The following AFF2 variants were observed in gnomAD, a reference collection of about 807,000 sequenced individuals.
AFF2 encodes the protein AF4/FMR2 family member 2.
Under a neutral mutation model 76.9 loss-of-function variants are expected in AFF2, and 14 were observed. The ratio of observed to expected loss-of-function variants is 0.18; its 90% CI spans 0.12 to 0.28. AFF2 has a LOEUF of 0.28. Ranked by LOEUF, AFF2 falls within the 10% of genes least tolerant of loss-of-function variation. The pLI is 1.00. For missense variants in AFF2, 868 were observed against 1,001.1 expected (o/e 0.87, Z 1.79); for synonymous variants, 398 against 366.7 (o/e 1.09, Z -0.98).
In AFF2 at chrX:148,624,944, A is replaced by C. The variant is rs187145758; in HGVS notation, c.48-27055A>C. On this transcript the variant is annotated intron_variant, in intron 1 of 20. Coordinates refer to ENST00000370460, the MANE Select transcript of AFF2 (RefSeq NM_002025.4). ...ATAGCAAAATGCAAGTGAACATAAG[A>C]AAACCACTTCCAACATTTTGAGTCT... is the stretch of plus-strand genomic sequence containing the variant. Among the ~76,000 whole-genome samples the C allele has an allele frequency of 6.3e-3, 710 of 112,178 alleles. 7 individuals are homozygous for C. The highest frequency in any genetic ancestry group is 0.022 in the African/African-American group (674 of 30,896).
At chrX:148,986,205 G>T (rs1224768082) in intron 19 of AFF2, among the ~76,000 whole-genome samples, 1 of 111,856 alleles carries the variant, frequency 8.9e-6, no homozygotes, top group African/African-American at 3.2e-5. Context: ...GACTCATGGA[G>T]TCCTAAAGAC....
chrX:148,750,082 C>G (rs1181364352), intron 3 of AFF2, among the ~76,000 whole-genome samples: 1 of 110,154 alleles, frequency 9.1e-6, no homozygotes, highest in Admixed American at 9.7e-5. Flanking sequence ...ATTCTCCTGC[C>G]TCAGCCTCCC....
chrX:148,894,015 C>T (rs921832031), intron 8 of AFF2, among the ~76,000 whole-genome samples: 5 of 111,486 alleles, frequency 4.5e-5, no homozygotes, highest in Non-Finnish European at 7.5e-5. Flanking sequence ...CTAATCCATT[C>T]TTGCAGCCTG....
intron 1 of AFF2, among the ~76,000 whole-genome samples, chrX:148,603,831 G>T (rs913183817): frequency 2.8e-5 from 3 of 106,685 alleles, no homozygotes; most frequent in African/African-American, 1.0e-4. Context: ...GCTTCTTTTT[G>T]ATTTTCTTAT....
At chrX:148,861,374 C>A (rs925594566) in intron 7 of AFF2, among the ~76,000 whole-genome samples, 1 of 111,819 alleles carries the variant, frequency 8.9e-6, no homozygotes, top group African/African-American at 3.2e-5. Flanking sequence ...TATTTAGATT[C>A]TCTTTTTCTA....
Position 148,956,606 on chromosome X carries a change from A to C in AFF2, c.2561A>C (p.Lys854Thr), listed in dbSNP as rs2072044686. The C allele has an allele frequency of 8.3e-7, 1 of 1,206,355 alleles. No individual in the cohort carries two copies. Among genetic ancestry groups the C allele is most frequent in the Non-Finnish European group, 1.1e-6 (1 of 893,548 alleles). Residue 854 changes from lysine (K) to threonine (T), a missense_variant, in exon 11 of 21, where the codon AAG becomes ACG. Physicochemically the swap from Lys to Thr is moderately conservative, Grantham distance 78 (BLOSUM62 -1). This residue lies in a region of AFF2 where 532 missense variants were observed against 564.2 expected (regional missense o/e 0.94). Transcript: ENST00000370460. ...VEKPAPKGKR[K>T]HKPIEVAEKI... ...AAACCAGCCCCTAAGGGCAAACGTA[A>C]GCACAAGGTAAGCTGTCTAAAGTGG...
chrX:148,935,692 C>T (rs1337077747), intron 9 of AFF2, among the ~76,000 whole-genome samples: 2 of 111,544 alleles, frequency 1.8e-5, no homozygotes, highest in African/African-American at 6.5e-5. Flanking sequence ...TCCAGCTCTG[C>T]TCCTGCCTTG....
intron 1 of AFF2, among the ~76,000 whole-genome samples, chrX:148,518,980 T>G (rs781909319): frequency 8.9e-6 from 1 of 111,970 alleles, no homozygotes; most frequent in South Asian, 3.7e-4. Context: ...AAATTAAAAT[T>G]TTTTTCTCAA....
intron 3 of AFF2, among the ~76,000 whole-genome samples, chrX:148,725,801 A>G (rs1323016979): frequency 8.9e-6 from 1 of 112,543 alleles, no homozygotes; most frequent in African/African-American, 3.2e-5. Context: ...TTAAATTATT[A>G]TGGATAGTAT....
At chrX:148,819,502 A>G (rs1032567493) in intron 4 of AFF2, among the ~76,000 whole-genome samples, 6 of 111,186 alleles carry the variant, frequency 5.4e-5, no homozygotes, top group Admixed American at 9.6e-5. Context: ...CATTTACTAA[A>G]TCAGGTTGTC....
chrX:148,936,659 C>G (rs964421011), intron 9 of AFF2, among the ~76,000 whole-genome samples: 1 of 112,494 alleles, frequency 8.9e-6, no homozygotes, highest in Non-Finnish European at 1.9e-5. Context: ...CATATGAAAT[C>G]AAACTCCCAC....
At chrX:148,506,314 T>G (rs1357233405) in intron 1 of AFF2, among the ~76,000 whole-genome samples, 1 of 111,738 alleles carries the variant, frequency 8.9e-6, no homozygotes, top group African/African-American at 3.3e-5. Flanking sequence ...GTTAGAATGT[T>G]CAGGGGTTCT....
At chrX:148,964,682 G>A (rs1041441906) in intron 13 of AFF2, among the ~76,000 whole-genome samples, 1 of 111,520 alleles carries the variant, frequency 9.0e-6, no homozygotes, top group Non-Finnish European at 1.9e-5. Flanking sequence ...CAGAGTTTCC[G>A]TTTTGCAAGA....
intron 3 of AFF2, among the ~76,000 whole-genome samples, chrX:148,717,085 TACGTCCAC>T (rs2055032100): frequency 8.9e-6 from 1 of 112,054 alleles, no homozygotes; most frequent in South Asian, 3.7e-4. Context: ...ACTGAAACCA[TACGTCCAC>T]ACAGAAAAAT....
intron 11 of AFF2, among the ~76,000 whole-genome samples, chrX:148,957,857 G>T (rs965759098): frequency 1.7e-4 from 19 of 112,194 alleles, no homozygotes; most frequent in Non-Finnish European, 3.6e-4. Flanking sequence ...ACATGCAAAA[G>T]TCCAAAGGTG....
At chrX:148,606,629 A>G (rs185598916) in intron 1 of AFF2, among the ~76,000 whole-genome samples, 94 of 111,955 alleles carry the variant, frequency 8.4e-4, no homozygotes, top group African/African-American at 2.9e-3. Context: ...TGTGAATGCT[A>G]TATGCCAGAT....
intron 15 of AFF2, among the ~76,000 whole-genome samples, chrX:148,968,514 A>G (rs782371938): frequency 2.7e-5 from 3 of 112,002 alleles, no homozygotes; most frequent in Non-Finnish European, 5.6e-5. Flanking sequence ...CAGGCTTCTC[A>G]CTTTGACTAA....
At chrX:148,884,345 T>G (rs2071132094) in intron 7 of AFF2, among the ~76,000 whole-genome samples, 1 of 112,440 alleles carries the variant, frequency 8.9e-6, no homozygotes, top group Non-Finnish European at 1.9e-5. Context: ...GTTATGTGAC[T>G]GAGCATGAAA....
chrX:148,929,604 G>A (rs1484974173), intron 9 of AFF2, among the ~76,000 whole-genome samples: 1 of 111,810 alleles, frequency 8.9e-6, no homozygotes, highest in African/African-American at 3.3e-5. Flanking sequence ...AGACGAAAAT[G>A]TCTATTTCTG....
Sources: allele counts gnomAD v4.1 joint callset (sites outside exome capture counted in the v4.1 genomes callset), GRCh38; gene constraint gnomAD v4.1.1; regional missense constraint gnomAD v4.1.1; transcripts MANE v1.5; gene names NCBI Gene and HGNC (gene_info 2026-07-23, HGNC 2026-07-21).